The following MSRA variants were observed in gnomAD, a reference collection of about 807,000 sequenced individuals.
The protein encoded by MSRA is methionine sulfoxide reductase A.
MSRA carries 54 observed loss-of-function variants against 31.3 expected under a neutral mutation model. That is an observed-to-expected ratio of 1.73 (90% CI 1.39 to 2.17). MSRA has a LOEUF of 2.17. MSRA is among the 30% of genes most tolerant of loss of function. The pLI is 0.00. For missense variants in MSRA, 507 were observed against 300.9 expected, an observed-to-expected ratio of 1.69 and a Z score of -5.07; for synonymous variants, 169 against 116.5, an observed-to-expected ratio of 1.45 and a Z score of -2.90.
At chr8:10,184,856 C>T (rs1016246012) in intron 1 of MSRA, among the ~76,000 whole-genome samples, 3 of 152,208 alleles carry the variant, frequency 2.0e-5, no homozygotes, top group African/African-American at 7.2e-5. Context: ...ATCCAGCACT[C>T]ACATTGTACT....
At chr8:10,247,386 AT>A in intron 3 of MSRA, among the ~76,000 whole-genome samples, 1 of 152,306 alleles carries the variant, frequency 6.6e-6, no homozygotes, top group Non-Finnish European at 1.5e-5. Context: ...TATCCCAGCC[AT>A]TCTCCATTCA....
intron 4 of MSRA, among the ~76,000 whole-genome samples, chr8:10,319,571 G>T (rs1366429735): frequency 1.3e-5 from 2 of 151,788 alleles, no homozygotes; most frequent in Middle Eastern, 3.4e-3. Flanking sequence ...GTGACAATTG[G>T]AGTAGATCGT....
intron 1 of MSRA, among the ~76,000 whole-genome samples, chr8:10,086,229 A>G (rs967752877): frequency 1.3e-5 from 2 of 152,178 alleles, no homozygotes; most frequent in Admixed American, 6.6e-5. Flanking sequence ...TAGCCTTTCT[A>G]GTGGGTGATG....
chr8:10,158,737 G>A (rs979487257), intron 1 of MSRA, among the ~76,000 whole-genome samples: 2 of 152,120 alleles, frequency 1.3e-5, no homozygotes, highest in African/African-American at 4.8e-5. Context: ...CTTTGTCTTA[G>A]ATATGTATCT....
chr8:10,357,591 C>T (rs1344163725), intron 5 of MSRA, among the ~76,000 whole-genome samples: 2 of 152,216 alleles, frequency 1.3e-5, no homozygotes, highest in Admixed American at 6.5e-5. Context: ...TTCCTATCTT[C>T]TTTACCATCT....
intron 5 of MSRA, among the ~76,000 whole-genome samples, chr8:10,401,864 A>G (rs1298535804): frequency 6.6e-6 from 1 of 152,196 alleles, no homozygotes; most frequent in African/African-American, 2.4e-5. Flanking sequence ...TCAAATTCAT[A>G]GAGATAGAAA....
intron 1 of MSRA, among the ~76,000 whole-genome samples, chr8:10,106,197 G>A (rs1056474023): frequency 1.3e-5 from 2 of 152,176 alleles, no homozygotes; most frequent in African/African-American, 4.8e-5. Context: ...CTTGAGGTAT[G>A]GTTCTCACAG....
chr8:10,307,118 A>G (rs976069092), intron 4 of MSRA, among the ~76,000 whole-genome samples: 1 of 151,188 alleles, frequency 6.6e-6, no homozygotes, highest in Non-Finnish European at 1.5e-5. Context: ...TTTTCCATAC[A>G]CTAGAGGAAT....
intron 3 of MSRA, among the ~76,000 whole-genome samples, chr8:10,254,425 C>T (rs1448463313): frequency 6.6e-6 from 1 of 152,164 alleles, no homozygotes; most frequent in African/African-American, 2.4e-5. Context: ...TAAAAGAAGT[C>T]ACAGAAACTG....
At chr8:10,385,899 A>G (rs146393546) in intron 5 of MSRA, among the ~76,000 whole-genome samples, 54 of 152,260 alleles carry the variant, frequency 3.5e-4, no homozygotes, top group African/African-American at 1.3e-3. Flanking sequence ...TGGGTGACCA[A>G]GAATACGTCG....
Position 10,153,541 on chromosome 8 carries a change from C to T in MSRA, c.143-54292C>T, listed in dbSNP as rs1012671201. Among the ~76,000 whole-genome samples, 4 of 152,066 alleles carry T rather than the reference C, an allele frequency of 2.6e-5. No homozygotes were observed. In the East Asian group the frequency reaches 5.8e-4, roughly 22 times the overall value. ...TCCTTTTTTTTTGCCATTTTAAGAC[C>T]GACAGTGGCATAAGGTCACTGGGTG... On this transcript the variant is annotated intron_variant, in intron 1 of 5. Transcript: ENST00000317173.
At chr8:10,396,362 G>A (rs547146525) in intron 5 of MSRA, among the ~76,000 whole-genome samples, 1 of 152,224 alleles carries the variant, frequency 6.6e-6, no homozygotes, top group Non-Finnish European at 1.5e-5. Context: ...TTTTAATAAC[G>A]TCTCATTTTC....
At chr8:10,341,156 C>T (rs1485767882) in intron 5 of MSRA, among the ~76,000 whole-genome samples, 3 of 152,072 alleles carry the variant, frequency 2.0e-5, no homozygotes, top group Admixed American at 6.6e-5. Flanking sequence ...GCAGTTCTCG[C>T]GTTGCCATAA....
chr8:10,253,148 G>T (rs1187579514), intron 3 of MSRA, among the ~76,000 whole-genome samples: 4 of 152,166 alleles, frequency 2.6e-5, no homozygotes, highest in African/African-American at 9.7e-5. Flanking sequence ...TGCTGTCCTC[G>T]AATGGTAAAA....
chr8:10,422,244 C>G (rs967208134), intron 5 of MSRA, among the ~76,000 whole-genome samples: 31 of 152,286 alleles, frequency 2.0e-4, no homozygotes, highest in African/African-American at 7.5e-4. Context: ...CATGGTTGCA[C>G]CAGTGTACTC....
chr8:10,354,483 A>AG (rs1431605649), intron 5 of MSRA, among the ~76,000 whole-genome samples: 3 of 152,238 alleles, frequency 2.0e-5, no homozygotes, highest in African/African-American at 7.2e-5. Flanking sequence ...AGTGGAAAAC[A>AG]GGTAAGACAA....
At chr8:10,408,738 A>T (rs1007200500) in intron 5 of MSRA, among the ~76,000 whole-genome samples, 3 of 54,770 alleles carry the variant, frequency 5.5e-5, no homozygotes, top group Non-Finnish European at 1.2e-4. Flanking sequence ...TCACTCCCCC[A>T]CCCTCCCACC....
Position 10,245,169 on chromosome 8 carries a change from GT to G in MSRA, c.279del (p.Gly94ValfsTer35). On this transcript the variant is annotated frameshift_variant, in exon 3 of 6. Transcript: ENST00000317173. LOFTEE classifies it high-confidence loss of function. ...WVLKGVYSTQ[V>X]GFAGGYTSNP... Reference sequence around the variant, plus strand: ...CTTGAAAGGAGTGTATTCAACTCAAGTTGGTTTTGCAGGAGGCTATACTTCA... The same window carrying G: ...CTTGAAAGGAGTGTATTCAACTCAAGTGGTTTTGCAGGAGGCTATACTTCA... The G allele has an allele frequency of 6.2e-7, 1 of 1,613,844 alleles. No individual in the cohort carries two copies. The highest frequency in any genetic ancestry group is 8.5e-7 in the Non-Finnish European group (1 of 1,179,882).
intron 1 of MSRA, among the ~76,000 whole-genome samples, chr8:10,092,830 T>G (rs1798925012): frequency 6.6e-6 from 1 of 152,204 alleles, no homozygotes. Flanking sequence ...ATTTTTCCCT[T>G]CAATTATTTT....
Sources: allele counts gnomAD v4.1 joint callset (sites outside exome capture counted in the v4.1 genomes callset), GRCh38; gene constraint gnomAD v4.1.1; transcripts MANE v1.5; gene names NCBI Gene and HGNC (gene_info 2026-07-23, HGNC 2026-07-21).